ANKRD11: variants seen among roughly 807,000 people sequenced by gnomAD.
ANKRD11 encodes the protein ankyrin repeat domain-containing protein 11.
Under a neutral mutation model 195.7 loss-of-function variants are expected in ANKRD11, and 17 were observed. The ratio of observed to expected loss-of-function variants is 0.09; its 90% confidence interval spans 0.06 to 0.13. The LOEUF (loss-of-function observed/expected upper bound fraction) is 0.13. Ranked by LOEUF, ANKRD11 falls within the 10% of genes least tolerant of loss-of-function variation. The pLI is 1.00. For synonymous variants in ANKRD11, 1,953 were observed against 1,528.1 expected (o/e 1.28, Z -6.49); for missense variants, 3,735 against 3,566.1 (o/e 1.05, Z -1.21).
At position 89,280,791 on chromosome 16, in the gene ANKRD11, C is replaced by G; in HGVS notation, c.5751G>C (p.Gln1917His). The change falls in exon 9 of 13, where the codon CAG (glutamine) becomes CAC (histidine). Residue 1917 changes from glutamine (Q) to histidine (H), a missense_variant. Physicochemically the swap from Gln to His is conservative, Grantham distance 24. Coordinates refer to ENST00000301030, the MANE Select transcript of ANKRD11 (RefSeq NM_013275.6). ...GGGGGATGATGGCGGCCGTCGCCTG[C>G]TGGTCCTCGGAGGTGTCCAGGTCCG... ...LPPDLDTSED[Q>H]QATAAIIPPE... 1 of 1,610,986 alleles carries G rather than the reference C, an allele frequency of 6.2e-7. No homozygotes were observed. The highest frequency in any genetic ancestry group is 1.1e-5 in the South Asian group (1 of 90,962).
At chr16:89,339,822 C>T (rs1381491030) in intron 2 of ANKRD11, 2 of 152,186 alleles carry the variant, frequency 1.3e-5, no homozygotes, top group Admixed American at 1.3e-4. Flanking sequence ...TCCTCAGCGT[C>T]GATCTGATTT....
At chr16:89,302,046 A>G (rs1281970115) in intron 4 of ANKRD11, among the ~76,000 whole-genome samples, 1 of 152,184 alleles carries the variant, frequency 6.6e-6, no homozygotes, top group East Asian at 1.9e-4. Flanking sequence ...GGACCAGAGA[A>G]GAGTCTCTTG....
intron 1 of ANKRD11, among the ~76,000 whole-genome samples, chr16:89,441,092 C>T (rs749811171): frequency 2.0e-5 from 3 of 151,630 alleles, no homozygotes; most frequent in Non-Finnish European, 4.4e-5. Context: ...AAAAATTAGC[C>T]GGGCGTGGTG....
chr16:89,347,904 G>T (rs1204837197), intron 2 of ANKRD11, among the ~76,000 whole-genome samples: 1 of 151,746 alleles, frequency 6.6e-6, no homozygotes, highest in Admixed American at 6.6e-5. Flanking sequence ...TTCTTACTTT[G>T]CAGAGCACTT....
At chr16:89,275,008 C>A (rs1012018771) in intron 10 of ANKRD11, 51 bp from the exon 11 acceptor site, 2 of 1,612,380 alleles carry the variant, frequency 1.2e-6, no homozygotes, top group Admixed American at 1.7e-5. Context: ...CGCTCCAGGC[C>A]CCACTGTCAA....
rs183827799 is a variant in ANKRD11, at chr16:89,395,346, C to T, written c.-60+22938G>A. Among the ~76,000 whole-genome samples the T allele has an allele frequency of 1.0e-3, 152 of 152,318 alleles. 1 individual carries two copies. Among genetic ancestry groups the T allele is most frequent in the African/African-American group, 3.5e-3 (146 of 41,568 alleles). Reference sequence around the variant, plus strand: ...AGCGTCGGTGTGGAAGGAACCCTGACGGCAAGCTGTTACATAAGAGCCCAG... The same window carrying T: ...AGCGTCGGTGTGGAAGGAACCCTGATGGCAAGCTGTTACATAAGAGCCCAG... On this transcript the variant is annotated intron_variant, in intron 2 of 12. Coordinates refer to ENST00000301030, the MANE Select transcript of ANKRD11 (RefSeq NM_013275.6).
intron 2 of ANKRD11, among the ~76,000 whole-genome samples, chr16:89,399,522 T>C (rs1311781852): frequency 6.6e-6 from 1 of 152,026 alleles, no homozygotes; most frequent in South Asian, 2.1e-4. Context: ...GACGGAGGGA[T>C]GTGCAGCAGG....
intron 2 of ANKRD11, among the ~76,000 whole-genome samples, chr16:89,414,366 C>T (rs1326551410): frequency 2.6e-5 from 4 of 152,076 alleles, no homozygotes; most frequent in Non-Finnish European, 5.9e-5. Context: ...GTCAGCAGTC[C>T]GCTGTCACTC....
At chr16:89,375,535 C>T (rs982220088) in intron 2 of ANKRD11, among the ~76,000 whole-genome samples, 25 of 152,050 alleles carry the variant, frequency 1.6e-4, no homozygotes, top group Admixed American at 7.9e-4. Flanking sequence ...TCTTGGCTCG[C>T]TGCAACCTCT....
chr16:89,435,796 T>TCACACACACACACACACA (rs58503159), intron 1 of ANKRD11, among the ~76,000 whole-genome samples: 2 of 143,018 alleles, frequency 1.4e-5, no homozygotes, highest in Non-Finnish European at 3.1e-5. Flanking sequence ...CACCAGCTCT[T>TCACACACACACACACACA]CACACACACA....
intron 2 of ANKRD11, among the ~76,000 whole-genome samples, chr16:89,319,752 C>T (rs1319662412): frequency 6.6e-6 from 1 of 152,262 alleles, no homozygotes; most frequent in Non-Finnish European, 1.5e-5. Context: ...CAGGCTACAC[C>T]TCCCAGGACC....
At chr16:89,367,044 G>A (rs1219297585) in intron 2 of ANKRD11, among the ~76,000 whole-genome samples, 1 of 152,160 alleles carries the variant, frequency 6.6e-6, no homozygotes, top group African/African-American at 2.4e-5. Context: ...CCCAGCCACG[G>A]CTCCTTCTGC....
intron 1 of ANKRD11, among the ~76,000 whole-genome samples, chr16:89,483,666 G>C (rs1026586869): frequency 2.0e-5 from 3 of 152,014 alleles, no homozygotes; most frequent in Non-Finnish European, 2.9e-5. Context: ...CCGTCTCTAC[G>C]AAAAATACAA....
intron 2 of ANKRD11, among the ~76,000 whole-genome samples, chr16:89,407,479 TTCGC>T (rs1275970321): frequency 6.6e-6 from 1 of 151,990 alleles, no homozygotes; most frequent in Non-Finnish European, 1.5e-5. Context: ...AGGAACCACG[TTCGC>T]CTCGTCAGGG....
chr16:89,457,960 A>G (rs557763416), intron 1 of ANKRD11, among the ~76,000 whole-genome samples: 1 of 152,288 alleles, frequency 6.6e-6, no homozygotes, highest in Admixed American at 6.5e-5. Context: ...GCACCTCGCA[A>G]TGACTTGCTC....
intron 1 of ANKRD11, among the ~76,000 whole-genome samples, chr16:89,442,623 A>G (rs1320443415): frequency 6.6e-6 from 1 of 152,228 alleles, no homozygotes; most frequent in East Asian, 1.9e-4. Context: ...TCATTTCCAG[A>G]TAAAGCTGAA....
intron 7 of ANKRD11, chr16:89,286,641 T>G (rs537024788): frequency 2.6e-5 from 32 of 1,218,168 alleles, no homozygotes; most frequent in Non-Finnish European, 3.2e-5. Context: ...GGGGACAGAA[T>G]AGAGGAAACA....
At chr16:89,408,213 TGA>T (rs1182776371) in intron 2 of ANKRD11, among the ~76,000 whole-genome samples, 2 of 152,214 alleles carry the variant, frequency 1.3e-5, no homozygotes, top group Non-Finnish European at 2.9e-5. Context: ...AGAAACTCCC[TGA>T]GAGAGCTCAC....
intron 2 of ANKRD11, among the ~76,000 whole-genome samples, chr16:89,351,712 C>G (rs960195510): frequency 2.6e-5 from 4 of 152,182 alleles, no homozygotes; most frequent in Admixed American, 2.0e-4. Context: ...ATGACCAGAA[C>G]AGCAGACTCA....
Sources: allele counts gnomAD v4.1 joint callset (sites outside exome capture counted in the v4.1 genomes callset), GRCh38; gene constraint gnomAD v4.1.1; transcripts MANE v1.5; gene names NCBI Gene and HGNC (gene_info 2026-07-23, HGNC 2026-07-21).